Variants in DCAF5 observed in about 807,000 individuals in gnomAD.
The protein encoded by DCAF5 is DDB1 and CUL4 associated factor 5, also known as DDB1- and CUL4-associated factor 5.
DCAF5 carries 9 observed loss-of-function variants against 80.7 expected under a neutral mutation model. That is an observed-to-expected ratio of 0.11 (90% CI 0.07 to 0.19). The LOEUF is 0.19. DCAF5 is among the 10% of genes least tolerant of loss of function. The probability of loss-of-function intolerance (pLI) is 1.00; values close to 1 mark genes in which losing one functional copy is unlikely to be tolerated. For missense variants in DCAF5, 842 were observed against 1,205.7 expected (o/e 0.70, Z 4.47); for synonymous variants, 433 against 461.9 (o/e 0.94, Z 0.80).
intron 6 of DCAF5, chr14:69,091,172 A>C (rs1213098766): frequency 4.2e-6 from 3 of 722,420 alleles, no homozygotes; most frequent in Non-Finnish European, 7.6e-6. Context: ...AGTAAAAAGA[A>C]AAAGAGTCAG....
chr14:69,104,666 G>A (rs2040072733), intron 5 of DCAF5, among the ~76,000 whole-genome samples: 2 of 152,022 alleles, frequency 1.3e-5, no homozygotes, highest in Admixed American at 1.3e-4. Context: ...GACCAGCCTG[G>A]CCAACATGGT....
chr14:69,077,670 C>A (rs537035958), intron 6 of DCAF5, among the ~76,000 whole-genome samples: 1 of 152,248 alleles, frequency 6.6e-6, no homozygotes, highest in East Asian at 1.9e-4. Flanking sequence ...AGGCTACACG[C>A]CTAGCCAGGT....
intron 6 of DCAF5, among the ~76,000 whole-genome samples, chr14:69,087,505 C>T (rs2039380972): frequency 6.6e-6 from 1 of 152,198 alleles, no homozygotes; most frequent in Non-Finnish European, 1.5e-5. Flanking sequence ...TTAGTTAAGG[C>T]TAATTGCTTC....
At chr14:69,120,955 C>T (rs755142921) in intron 2 of DCAF5, among the ~76,000 whole-genome samples, 4 of 152,136 alleles carry the variant, frequency 2.6e-5, no homozygotes, top group Non-Finnish European at 2.9e-5. Flanking sequence ...GAGAAGGAGA[C>T]CTTTGAAGAG....
At chr14:69,140,604 C>G (rs764938861) in intron 1 of DCAF5, among the ~76,000 whole-genome samples, 17 of 151,926 alleles carry the variant, frequency 1.1e-4, no homozygotes, top group Non-Finnish European at 2.1e-4. Flanking sequence ...ATCAACTCTA[C>G]AAAGAACAAC....
At position 69,052,408 on chromosome 14, in the gene DCAF5, G is replaced by A. The variant is rs1005531932; in HGVS notation, c.*1449C>T. On this transcript the variant is annotated 3_prime_UTR_variant, in exon 9 of 9. Coordinates refer to ENST00000341516, the MANE Select transcript of DCAF5 (RefSeq NM_003861.3). ...TCCCAGCTGGGCTCCTAGTTGTCTA[G>A]CACCTTTGCACTCAAGAAAGTTATA... 3.9e-5 allele frequency: 6 copies of A among 152,696 alleles called. No homozygotes were observed. Among genetic ancestry groups the A allele is most frequent in the Non-Finnish European group, 5.9e-5 (4 of 68,050 alleles). 9.5% of individuals were successfully genotyped at this position (152,696 alleles called of 1,614,324 possible).
chr14:69,141,168 A>AAAAAAAT (rs2041362394), intron 1 of DCAF5, among the ~76,000 whole-genome samples: 1 of 143,854 alleles, frequency 7.0e-6, no homozygotes, highest in African/African-American at 2.6e-5. Flanking sequence ...AAAAAAAAAA[A>AAAAAAAT]GTGGCAGCTG....
chr14:69,145,350 G>T (rs2041505990), intron 1 of DCAF5, among the ~76,000 whole-genome samples: 1 of 152,012 alleles, frequency 6.6e-6, no homozygotes, highest in Admixed American at 6.6e-5. Flanking sequence ...CTCACCTTAA[G>T]TAATAAAATC....
At chr14:69,111,371 CA>C (rs2040357736) in intron 5 of DCAF5, among the ~76,000 whole-genome samples, 1 of 152,208 alleles carries the variant, frequency 6.6e-6, no homozygotes, top group South Asian at 2.1e-4. Flanking sequence ...GTCATTTACA[CA>C]AGTGAAAGCA....
chr14:69,097,415 A>G (rs2039760789), intron 5 of DCAF5, among the ~76,000 whole-genome samples: 1 of 152,056 alleles, frequency 6.6e-6, no homozygotes, highest in Non-Finnish European at 1.5e-5. Flanking sequence ...AACCCTTCAT[A>G]ATTTTATACT....
rs531127699 is a variant in DCAF5 at position 69,092,736 on chromosome 14, GATA to G, written c.666-852_666-850del. Among the ~76,000 whole-genome samples, 32 of 152,274 alleles carry G rather than the reference GATA, an allele frequency of 2.1e-4. No homozygotes were observed. In the South Asian group the frequency reaches 5.6e-3, roughly 27 times the overall value. Reference sequence around the variant, plus strand: ...AGAATTTTTATATTCTATATAGCATGATAATAAGTATTAAAGACAATTCTTAAA... The same window carrying G: ...AGAATTTTTATATTCTATATAGCATGATAAGTATTAAAGACAATTCTTAAA... On this transcript the variant is annotated intron_variant, in intron 5 of 8. Transcript: ENST00000341516.
chr14:69,098,817 G>A (rs2039834425), intron 5 of DCAF5, among the ~76,000 whole-genome samples: 1 of 141,296 alleles, frequency 7.1e-6, no homozygotes, highest in East Asian at 2.0e-4. Flanking sequence ...AGAATGGCAT[G>A]AGGAGGCGGA....
At chr14:69,071,149 A>G (rs1436351151) in intron 7 of DCAF5, among the ~76,000 whole-genome samples, 1 of 152,170 alleles carries the variant, frequency 6.6e-6, no homozygotes, top group East Asian at 1.9e-4. Flanking sequence ...TGAAATTACT[A>G]AAAAATTGGA....
At chr14:69,119,134 T>C in intron 3 of DCAF5, 60 bp downstream of exon 3, 1 of 1,553,060 alleles carries the variant, frequency 6.4e-7, no homozygotes, top group South Asian at 1.2e-5. Context: ...AAAGAGATAT[T>C]TGCCTCTTCA....
intron 1 of DCAF5, among the ~76,000 whole-genome samples, chr14:69,122,806 G>A (rs1397622891): frequency 6.6e-6 from 1 of 152,104 alleles, no homozygotes; most frequent in African/African-American, 2.4e-5. Flanking sequence ...CAATCTTCTT[G>A]ATATGATCTC....
At chr14:69,091,581 G>A (rs1399763528) in intron 6 of DCAF5, 93 bp downstream of exon 6, 1 of 1,162,972 alleles carries the variant, frequency 8.6e-7, no homozygotes, top group African/African-American at 1.5e-5. Context: ...GTTTCTACCT[G>A]ACATAATGGT....
In DCAF5 at chr14:69,104,322, T is replaced by C. The variant is rs116406048; in HGVS notation, c.665+12044A>G. 2.8e-3 allele frequency among the ~76,000 whole-genome samples: 425 copies of C among 152,214 alleles called. 2 individuals are homozygous for C. The highest frequency in any genetic ancestry group is 9.9e-3 in the African/African-American group (412 of 41,536). On this transcript the variant is annotated intron_variant, in intron 5 of 8. Coordinates refer to ENST00000341516, the MANE Select transcript of DCAF5 (RefSeq NM_003861.3). ...ATTTCAAAACAAACAGAGAGATAAC[T>C]AGGCATTTTTAATTTCTTTATGGAT...
chr14:69,109,675 T>G (rs1387907075), intron 5 of DCAF5, among the ~76,000 whole-genome samples: 1 of 152,256 alleles, frequency 6.6e-6, no homozygotes, highest in Non-Finnish European at 1.5e-5. Flanking sequence ...TTGTGTAATA[T>G]TCTATTGTAT....
chr14:69,083,570 A>G (rs557949740), intron 6 of DCAF5: 2 of 435,996 alleles, frequency 4.6e-6, no homozygotes, highest in East Asian at 5.7e-5. Flanking sequence ...AAATCAAAAC[A>G]TTCTATGAAT....
Sources: gnomAD v4.1 joint callset for allele counts (sites outside exome capture counted in the v4.1 genomes callset) on GRCh38, gnomAD v4.1.1 for gene constraint, MANE v1.5 for transcripts, NCBI Gene and HGNC (gene_info 2026-07-23, HGNC 2026-07-21) for gene names.